FMN2: variants seen among roughly 807,000 people sequenced by gnomAD.
FMN2 encodes the protein formin-2.
In FMN2, 51 loss-of-function variants were observed where a neutral mutation model predicts 142.3. The observed-to-expected ratio is 0.36, with a 90% CI of 0.29 to 0.45. The LOEUF (loss-of-function observed/expected upper bound fraction) is 0.45. FMN2 is among the 20% of genes least tolerant of loss of function. The pLI is 1.00. For synonymous variants in FMN2, 882 were observed against 869.8 expected, an observed-to-expected ratio of 1.01 and a Z score of -0.25; for missense variants, 1,936 against 2,122.8, an observed-to-expected ratio of 0.91 and a Z score of 1.73.
rs1460072490 is a variant in FMN2 at position 240,334,137 on chromosome 1, C to T, written c.4673C>T (p.Pro1558Leu). 4.4e-6 allele frequency: 7 copies of T among 1,604,390 alleles called. No individual in the cohort carries two copies. The highest frequency in any genetic ancestry group is 3.4e-6 in the Non-Finnish European group (4 of 1,177,584). ...EDAGKEQCLF[P>L]LPEPQDLFQA... ...GCTGGAAAAGAACAGTGCCTCTTTC[C>T]ACTGCCAGAACCCCAGGACCTTTTT... Residue 1558 changes from proline to leucine, a missense_variant, in exon 13 of 18, where the codon CCA becomes CTA. By Grantham distance (98) the Pro-to-Leu change is moderately conservative. Around this residue, in one of 8 missense-constraint regions of FMN2, gnomAD observed 322 missense variants for 401.6 expected, o/e 0.80. Transcript: ENST00000319653.
At chr1:240,100,352 C>T (rs1410275960) in intron 1 of FMN2, among the ~76,000 whole-genome samples, 3 of 152,032 alleles carry the variant, frequency 2.0e-5, no homozygotes, top group African/African-American at 7.2e-5. Flanking sequence ...AAGTACTAAC[C>T]TAATGCTAAT....
At chr1:240,365,724 C>G (rs1672646466) in intron 14 of FMN2, among the ~76,000 whole-genome samples, 1 of 152,106 alleles carries the variant, frequency 6.6e-6, no homozygotes, top group Non-Finnish European at 1.5e-5. Context: ...AACTAATTCA[C>G]TCATAACTTT....
chr1:240,188,088 T>A, intron 3 of FMN2, 119 bp from the exon 4 acceptor site: 1 of 864,692 alleles, frequency 1.2e-6, no homozygotes, highest in Non-Finnish European at 1.8e-6. Context: ...GAAGAGAGAC[T>A]GGATATTTTT....
Position 240,333,965 on chromosome 1 carries a change from A to T in FMN2, c.4644+19A>T, listed in dbSNP as rs10157874. ...TGATGAGGTAAGACAATTTTTACAT[A>T]TAGTCATATTCCATTATTCTTTATT... On this transcript the variant is annotated intron_variant, in intron 12 of 17. Coordinates refer to ENST00000319653, the MANE Select transcript of FMN2 (RefSeq NM_020066.5). 4.4e-6 allele frequency: 7 copies of T among 1,594,446 alleles called. No homozygotes were observed. The highest frequency in any genetic ancestry group is 6.0e-6 in the Non-Finnish European group (7 of 1,168,138).
At chr1:240,164,536 A>G (rs1664401556) in intron 2 of FMN2, among the ~76,000 whole-genome samples, 1 of 152,152 alleles carries the variant, frequency 6.6e-6, no homozygotes, top group African/African-American at 2.4e-5. Context: ...CAAGCCTGCT[A>G]GGTGACAAAT....
In FMN2 at chr1:240,297,520, T is replaced by C. The variant is rs1052425620; in HGVS notation, c.4215+2637T>C. 2.9e-5 allele frequency among the ~76,000 whole-genome samples: 4 copies of C among 137,858 alleles called. No individual in the cohort carries two copies. In the South Asian group the frequency reaches 9.3e-4, roughly 32 times the overall value. The allele number at this position is 137,858 out of a possible 152,430, so 90.4% of individuals were successfully genotyped here. On this transcript the variant is annotated intron_variant, in intron 8 of 17. Transcript: ENST00000319653. ...CTAAGGCAGGAGAATTACTTGAATC[T>C]GGGAGGCGGAGGTTGCTGTGAGCCG...
At chr1:240,241,825 CTTTTTTTT>C (rs71567282) in intron 6 of FMN2, among the ~76,000 whole-genome samples, 4 of 96,236 alleles carry the variant, frequency 4.2e-5, no homozygotes, top group African/African-American at 1.1e-4. Context: ...GTGTGCCTTG[CTTTTTTTT>C]TTTTTTTTTT....
chr1:240,144,844 CTTT>C (rs1663369220), intron 2 of FMN2: 2 of 1,450,206 alleles, frequency 1.4e-6, no homozygotes, highest in Admixed American at 1.7e-5. Flanking sequence ...GCTGGACCTT[CTTT>C]GCATCATCCA....
chr1:240,212,306 G>A (rs1666720051), intron 6 of FMN2, among the ~76,000 whole-genome samples: 2 of 152,206 alleles, frequency 1.3e-5, no homozygotes, highest in Non-Finnish European at 2.9e-5. Flanking sequence ...CAATGGGACA[G>A]CTAGACCCCT....
At chr1:240,431,701 C>T (rs1188527940) in intron 15 of FMN2, among the ~76,000 whole-genome samples, 2 of 150,938 alleles carry the variant, frequency 1.3e-5, no homozygotes, top group Non-Finnish European at 3.0e-5. Flanking sequence ...GATTTTTTTC[C>T]ATGTTTTTTA....
At chr1:240,345,943 C>G (rs1029699244) in intron 13 of FMN2, among the ~76,000 whole-genome samples, 1 of 152,138 alleles carries the variant, frequency 6.6e-6, no homozygotes, top group African/African-American at 2.4e-5. Flanking sequence ...AAAATAATAG[C>G]TGAGTGAATT....
chr1:240,240,559 G>A (rs1667863026), intron 6 of FMN2, among the ~76,000 whole-genome samples: 1 of 152,112 alleles, frequency 6.6e-6, no homozygotes, highest in Non-Finnish European at 1.5e-5. Flanking sequence ...AGATGCTGAT[G>A]CCTGTATTTT....
intron 14 of FMN2, among the ~76,000 whole-genome samples, chr1:240,372,717 A>G (rs1672913638): frequency 6.6e-6 from 1 of 151,496 alleles, no homozygotes; most frequent in African/African-American, 2.4e-5. Flanking sequence ...CCACCACAGT[A>G]AAGCAATATT....
rs1255079613 is a variant in FMN2, at chr1:240,335,232, A to T, written c.4765+1003A>T. Among the ~76,000 whole-genome samples the T allele has an allele frequency of 2.6e-5, 4 of 152,192 alleles. No individual in the cohort carries two copies. In the South Asian group the frequency reaches 6.2e-4, roughly 24 times the overall value. On this transcript the variant is annotated intron_variant, in intron 13 of 17. Coordinates refer to ENST00000319653, the MANE Select transcript of FMN2 (RefSeq NM_020066.5). Reference sequence around the variant, plus strand: ...TAGGTGCTGTGGATCCACAAAGGTTACAGTAACCGCTGTTGAAGAGGGCTG... The same window carrying T: ...TAGGTGCTGTGGATCCACAAAGGTTTCAGTAACCGCTGTTGAAGAGGGCTG...
At chr1:240,176,890 G>A (rs1664941443) in intron 2 of FMN2, among the ~76,000 whole-genome samples, 1 of 152,044 alleles carries the variant, frequency 6.6e-6, no homozygotes, top group South Asian at 2.1e-4. Context: ...TAAACTAACT[G>A]GTCTATACAT....
chr1:240,168,610 G>A (rs1006339259), intron 2 of FMN2, among the ~76,000 whole-genome samples: 4 of 151,952 alleles, frequency 2.6e-5, no homozygotes, highest in Non-Finnish European at 4.4e-5. Context: ...AAATAAATAC[G>A]GCCTTTTTGT....
At chr1:240,398,541 C>T (rs538626094) in intron 15 of FMN2, among the ~76,000 whole-genome samples, 2 of 152,004 alleles carry the variant, frequency 1.3e-5, no homozygotes, top group Admixed American at 1.3e-4. Flanking sequence ...AAACAATGAA[C>T]CCCAAAATTC....
At chr1:240,150,252 T>A (rs376939628) in intron 2 of FMN2, among the ~76,000 whole-genome samples, 14 of 152,184 alleles carry the variant, frequency 9.2e-5, no homozygotes, top group African/African-American at 3.1e-4. Context: ...TGCTTATAGA[T>A]ACGATGAACT....
At chr1:240,282,009 T>C (rs1669411334) in intron 7 of FMN2, among the ~76,000 whole-genome samples, 1 of 152,196 alleles carries the variant, frequency 6.6e-6, no homozygotes, top group Non-Finnish European at 1.5e-5. Context: ...ATATTTTGCT[T>C]TATGAGAGCA....
Sources: gnomAD v4.1 joint callset for allele counts (sites outside exome capture counted in the v4.1 genomes callset) on GRCh38, gnomAD v4.1.1 for gene constraint, gnomAD v4.1.1 regional missense constraint, MANE v1.5 for transcripts, NCBI Gene and HGNC (gene_info 2026-07-23, HGNC 2026-07-21) for gene names.